Variants in WDR35 observed in about 807,000 individuals in gnomAD.
WDR35 encodes the protein WD repeat-containing protein 35.
Under a neutral mutation model 158.3 loss-of-function variants are expected in WDR35, and 118 were observed. The ratio of observed to expected loss-of-function variants is 0.75; its 90% CI spans 0.64 to 0.87. The LOEUF is 0.87. WDR35 is among the 40% of genes least tolerant of loss of function. The pLI, the probability that WDR35 is intolerant of heterozygous loss-of-function variation, is 0.00. For missense variants in WDR35, 1,263 were observed against 1,405.8 expected, an observed-to-expected ratio of 0.90 and a Z score of 1.62; for synonymous variants, 448 against 476.1, an observed-to-expected ratio of 0.94 and a Z score of 0.77.
At chr2:19,938,476 C>A (rs1256531472) in intron 17 of WDR35, 75 bp from the exon 18 acceptor site, 1 of 1,539,210 alleles carries the variant, frequency 6.5e-7, no homozygotes, top group Non-Finnish European at 8.8e-7. Context: ...ATATTAAAAA[C>A]CAGAACAAAA....
At chr2:19,956,493 AAAT>A (rs1469169984) in intron 11 of WDR35, among the ~76,000 whole-genome samples, 2 of 152,228 alleles carry the variant, frequency 1.3e-5, no homozygotes, top group South Asian at 2.1e-4. Context: ...TGTAAGTTGA[AAAT>A]AATAATAATG....
Position 19,985,769 on chromosome 2 carries a change from C to T in WDR35, c.143-3235G>A, listed in dbSNP as rs566782617. On this transcript the variant is annotated intron_variant, in intron 2 of 26. Coordinates refer to ENST00000281405, the MANE Select transcript of WDR35 (RefSeq NM_020779.4). ...AAAATTAGCTGGGCGTGGTGGCACG[C>T]ACCTGTAATCCCAGCTACTCAGGAG... Among the ~76,000 whole-genome samples, 231 of 150,590 alleles carry T rather than the reference C, an allele frequency of 1.5e-3. 1 individual carries two copies. The highest frequency in any genetic ancestry group is 1.2e-3 in the East Asian group (6 of 5,144).
intron 14 of WDR35, 44 bp from the exon 15 acceptor site, chr2:19,946,614 A>G: frequency 6.5e-7 from 1 of 1,541,426 alleles, no homozygotes; most frequent in East Asian, 2.3e-5. Context: ...GTGTATCATA[A>G]TAATATTAAA....
At position 19,937,812 on chromosome 2, in the gene WDR35, T is replaced by C; in HGVS notation, c.2198A>G (p.Gln733Arg). The part of the protein sequence containing the change: ...LGKLLSESMK[Q>R]AEVVGYFGRF... ...GCCGAAGTAGCCAACAACTTCAGCC[T>C]GTTTCATTGACTCACTCAGTAGTTT... The change falls in exon 19 of 27, where the codon CAG becomes CGG. Residue 733 changes from glutamine to arginine, a missense_variant. Physicochemically the swap from Gln to Arg is conservative, Grantham distance 43. Transcript: ENST00000281405. 6.2e-7 allele frequency: 1 copy of C among 1,614,196 alleles called. No homozygotes were observed. The highest frequency in any genetic ancestry group is 8.5e-7 in the Non-Finnish European group (1 of 1,180,014).
At position 19,930,254 on chromosome 2, in the gene WDR35, T is replaced by C. The variant is rs1670482408; in HGVS notation, c.3121+142A>G. The C allele has an allele frequency of 2.5e-6, 3 of 1,205,356 alleles. No individual in the cohort carries two copies. In the East Asian group the frequency reaches 7.1e-5, roughly 28 times the overall value. The allele number at this position is 1,205,356 out of a possible 1,614,324, so 74.7% of individuals were successfully genotyped here. ...TTAAAAAAAACTTCAAAAATGGGAA[T>C]GCATAAGACTCAAACATAGGAAAAT... On this transcript the variant is annotated intron_variant, in intron 25 of 26. Coordinates refer to ENST00000281405, the MANE Select transcript of WDR35 (RefSeq NM_020779.4).
At chr2:19,924,193 G>A (rs117674634) in intron 25 of WDR35, among the ~76,000 whole-genome samples, 1 of 152,136 alleles carries the variant, frequency 6.6e-6, no homozygotes, top group Non-Finnish European at 1.5e-5. Flanking sequence ...AGAACAATAC[G>A]CTTCCTTTAG....
At chr2:19,954,600 CA>C (rs1671363390) in intron 11 of WDR35, among the ~76,000 whole-genome samples, 1 of 152,094 alleles carries the variant, frequency 6.6e-6, no homozygotes, top group Non-Finnish European at 1.5e-5. Flanking sequence ...TCAGGAAGTG[CA>C]AATCAAAACC....
intron 2 of WDR35, among the ~76,000 whole-genome samples, chr2:19,986,705 G>A (rs1043190462): frequency 1.3e-5 from 2 of 149,840 alleles, no homozygotes; most frequent in Non-Finnish European, 3.0e-5. Flanking sequence ...AGGGAGATGG[G>A]CTCCAGCAAA....
intron 11 of WDR35, among the ~76,000 whole-genome samples, chr2:19,957,522 G>T (rs914330256): frequency 6.7e-6 from 1 of 149,528 alleles, no homozygotes; most frequent in African/African-American, 2.4e-5. Flanking sequence ...TATCTGAAAA[G>T]AAAAAAATTT....
chr2:19,961,286 T>C (rs1482274693), intron 10 of WDR35, among the ~76,000 whole-genome samples: 1 of 152,162 alleles, frequency 6.6e-6, no homozygotes, highest in Non-Finnish European at 1.5e-5. Context: ...CAGCAGACCA[T>C]CCATGTCAAT....
Position 19,912,591 on chromosome 2 carries a change from C to T in WDR35, c.*967G>A, listed in dbSNP as rs1669870958. Reference sequence around the variant, plus strand: ...TTGCCTCTACTATATGTAAGCCAAACCTCAATAAAATAATCTTGATGAAAT... The same window carrying T: ...TTGCCTCTACTATATGTAAGCCAAATCTCAATAAAATAATCTTGATGAAAT... On this transcript the variant is annotated 3_prime_UTR_variant, in exon 27 of 27. Transcript: ENST00000281405. 4.6e-5 allele frequency: 7 copies of T among 152,144 alleles called. No individual in the cohort carries two copies. Among genetic ancestry groups the T allele is most frequent in the Admixed American group, 4.6e-4 (7 of 15,274 alleles). 9.4% of individuals were successfully genotyped at this position (152,144 alleles called of 1,614,324 possible). A position where few individuals can be genotyped will look rare whatever the true frequency, so the allele number is the denominator to read the frequency against.
intron 3 of WDR35, 91 bp from the exon 4 acceptor site, chr2:19,980,874 C>A: frequency 8.7e-7 from 1 of 1,148,008 alleles, no homozygotes; most frequent in South Asian, 1.3e-5. Flanking sequence ...ATGTTAAAAT[C>A]AATATGGTTC....
intron 13 of WDR35, among the ~76,000 whole-genome samples, chr2:19,950,293 G>A (rs570001239): frequency 6.6e-6 from 1 of 152,240 alleles, no homozygotes; most frequent in South Asian, 2.1e-4. Flanking sequence ...TAAATGTAAT[G>A]TGTAGATCAA....
At chr2:19,965,358 T>C (rs768308329) in intron 10 of WDR35, among the ~76,000 whole-genome samples, 6 of 152,220 alleles carry the variant, frequency 3.9e-5, no homozygotes, top group Admixed American at 2.6e-4. Flanking sequence ...GAGTCAGACA[T>C]TGAAAAGCTG....
At chr2:19,929,374 A>G (rs1670457925) in intron 25 of WDR35, among the ~76,000 whole-genome samples, 1 of 152,204 alleles carries the variant, frequency 6.6e-6, no homozygotes, top group Non-Finnish European at 1.5e-5. Flanking sequence ...TTAGGATTAG[A>G]GTGTGATGTG....
intron 4 of WDR35, among the ~76,000 whole-genome samples, chr2:19,979,833 A>G (rs1299718388): frequency 7.2e-5 from 11 of 151,746 alleles, no homozygotes; most frequent in Admixed American, 6.6e-5. Context: ...GTATTATAGC[A>G]TATCTTTAAT....
At chr2:19,923,477 G>T (rs1015954660) in intron 25 of WDR35, among the ~76,000 whole-genome samples, 2 of 152,182 alleles carry the variant, frequency 1.3e-5, no homozygotes, top group Admixed American at 6.5e-5. Context: ...GAGGAGGAAG[G>T]AGAGTATAAC....
At chr2:19,919,106 C>T (rs140890851) in intron 25 of WDR35, among the ~76,000 whole-genome samples, 339 of 152,120 alleles carry the variant, frequency 2.2e-3, no homozygotes, top group East Asian at 0.016. Flanking sequence ...CAAGGCCAGG[C>T]GCAGTGGCTC....
intron 23 of WDR35, among the ~76,000 whole-genome samples, chr2:19,931,961 G>T (rs1670540262): frequency 6.6e-6 from 1 of 151,946 alleles, no homozygotes; most frequent in Admixed American, 6.6e-5. Context: ...ACATTTAAAA[G>T]AACTTAAAAC....
Sources: allele counts gnomAD v4.1 joint callset (sites outside exome capture counted in the v4.1 genomes callset), GRCh38; gene constraint gnomAD v4.1.1; transcripts MANE v1.5; gene names NCBI Gene and HGNC (gene_info 2026-07-23, HGNC 2026-07-21).